RAB3D: variants seen among roughly 807,000 people sequenced by gnomAD.
The protein encoded by RAB3D is ras-related protein Rab-3D.
RAB3D carries 17 observed loss-of-function variants against 19.3 expected under a neutral mutation model. That is an observed-to-expected ratio of 0.88 (90% CI 0.60 to 1.32). The LOEUF is 1.32. RAB3D is among the 40% of genes most tolerant of loss of function. The pLI is 0.00. For synonymous variants in RAB3D, 103 were observed against 119.9 expected, an observed-to-expected ratio of 0.86 and a Z score of 0.92; for missense variants, 223 against 299.1, an observed-to-expected ratio of 0.75 and a Z score of 1.88.
intron 4 of RAB3D, among the ~76,000 whole-genome samples, 160 bp downstream of exon 4, chr19:11,335,287 T>C (rs1329363843): frequency 6.6e-6 from 1 of 152,192 alleles, no homozygotes; most frequent in African/African-American, 2.4e-5. Context: ...TTCCTGCGCG[T>C]GGATCCCCTG....
rs2080794100 is a variant in RAB3D, at chr19:11,323,597, AC to A, written c.*1800del. On this transcript the variant is annotated 3_prime_UTR_variant, in exon 5 of 5. Coordinates refer to ENST00000222120, the MANE Select transcript of RAB3D (RefSeq NM_004283.4). ...TAGAGCGAGACTCTGTATCAAAAAA[AC>A]AAATGAAAAAAAGATACCCCACTCC... The A allele has an allele frequency of 6.6e-6, 1 of 152,204 alleles. No individual in the cohort carries two copies. The highest frequency in any genetic ancestry group is 2.1e-4 in the South Asian group (1 of 4,834). The allele number at this position is 152,204 out of a possible 1,614,324, so 9.4% of individuals were successfully genotyped here. A position where few individuals can be genotyped will look rare whatever the true frequency, so the allele number is the denominator to read the frequency against.
intron 1 of RAB3D, 121 bp from the exon 2 acceptor site, chr19:11,337,581 T>G: frequency 1.8e-6 from 1 of 568,882 alleles, no homozygotes; most frequent in Non-Finnish European, 3.2e-6. Context: ...CCTCTAGACC[T>G]CAGTGTCCTC....
chr19:11,335,883 G>A lies in RAB3D; in HGVS notation c.229-100C>T, dbSNP rs184651962. 20 of 1,100,008 alleles carry A rather than the reference G, an allele frequency of 1.8e-5. No individual in the cohort carries two copies. The Admixed American group carries it at 2.7e-4, about 15-fold the overall frequency. 68.1% of individuals were successfully genotyped at this position (1,100,008 alleles called of 1,614,324 possible). On this transcript the variant is annotated intron_variant, in intron 2 of 4. Transcript: ENST00000222120. ...CCTGTACTCATAGCCCCAGCCTTAC[G>A]GGGGAGACACAGACTTGCTTGTACA...
At chr19:11,330,623 C>T (rs2080832283) in intron 4 of RAB3D, among the ~76,000 whole-genome samples, 1 of 152,284 alleles carries the variant, frequency 6.6e-6, no homozygotes, top group East Asian at 1.9e-4. Flanking sequence ...GATCTCGGCT[C>T]ACTGCAACCT....
intron 3 of RAB3D, 26 bp from the exon 4 acceptor site, chr19:11,335,597 T>C (rs2080849785): frequency 1.2e-6 from 2 of 1,613,804 alleles, no homozygotes; most frequent in Admixed American, 1.7e-5. Context: ...TGGTGAGCCA[T>C]GAGCCGGGGG....
chr19:11,331,273 C>T (rs546794381), intron 4 of RAB3D, among the ~76,000 whole-genome samples: 6 of 151,580 alleles, frequency 4.0e-5, no homozygotes, highest in African/African-American at 1.2e-4. Context: ...CCAGCCTGGG[C>T]GACAAGAGCA....
At position 11,335,846 on chromosome 19, in the gene RAB3D, G is replaced by C. The variant is rs139475893; in HGVS notation, c.229-63C>G. The C allele has an allele frequency of 4.4e-5, 62 of 1,418,400 alleles. No individual in the cohort carries two copies. The African/African-American group carries it at 8.3e-4, about 19-fold the overall frequency. The allele number at this position is 1,418,400 out of a possible 1,614,324, so 87.9% of individuals were successfully genotyped here. On this transcript the variant is annotated intron_variant, in intron 2 of 4. Transcript: ENST00000222120. ...TGTTTCCCAGTCCACCCCTGTCTTA[G>C]AGGGGCACTGCCCTGTACTCATAGC...
intron 4 of RAB3D, among the ~76,000 whole-genome samples, chr19:11,333,693 CTTTT>C (rs112998115): frequency 2.1e-5 from 3 of 143,462 alleles, no homozygotes; most frequent in African/African-American, 7.6e-5. Flanking sequence ...TCTTTCTTTC[CTTTT>C]TTTTTTTTTC....
intron 2 of RAB3D, among the ~76,000 whole-genome samples, chr19:11,336,309 C>A (rs1005398514): frequency 6.6e-6 from 1 of 151,960 alleles, no homozygotes; most frequent in Non-Finnish European, 1.5e-5. Flanking sequence ...TTTCTTTTTT[C>A]TTTCTTTCTT....
At chr19:11,337,846 A>AT (rs954880691) in intron 1 of RAB3D, among the ~76,000 whole-genome samples, 3 of 151,566 alleles carry the variant, frequency 2.0e-5, no homozygotes, top group African/African-American at 7.3e-5. Flanking sequence ...TTTAAAAAAA[A>AT]TTTTTTTGTA....
At chr19:11,329,044 A>G (rs570145483) in intron 4 of RAB3D, among the ~76,000 whole-genome samples, 48 of 151,278 alleles carry the variant, frequency 3.2e-4, no homozygotes, top group African/African-American at 1.1e-3. Context: ...CAGTCTCCCA[A>G]GTAGCTGGGA....
At chr19:11,326,806 C>T (rs1169263882) in intron 4 of RAB3D, 8 of 689,232 alleles carry the variant, frequency 1.2e-5, no homozygotes, top group African/African-American at 3.5e-5. Flanking sequence ...GTGGGGGTCT[C>T]GCTATGTTGC....
chr19:11,326,796 G>A (rs1470234466), intron 4 of RAB3D: 2 of 691,384 alleles, frequency 2.9e-6, no homozygotes, highest in East Asian at 5.4e-5. Flanking sequence ...TTTTGTAGAG[G>A]TGGGGGTCTC....
chr19:11,337,494 G>T, intron 1 of RAB3D, 34 bp from the exon 2 acceptor site: 1 of 965,294 alleles, frequency 1.0e-6, no homozygotes, highest in Non-Finnish European at 1.6e-6. Flanking sequence ...AACAGCTCCT[G>T]TGAATGCACC....
intron 4 of RAB3D, among the ~76,000 whole-genome samples, chr19:11,333,024 T>C (rs1413180786): frequency 1.3e-5 from 2 of 151,406 alleles, no homozygotes; most frequent in East Asian, 3.9e-4. Context: ...CGAAATGGAA[T>C]AGTACACAGC....
At position 11,335,780 on chromosome 19, in the gene RAB3D, T is replaced by C. The variant is rs772212943; in HGVS notation, c.232A>G (p.Thr78Ala). 3.1e-6 allele frequency: 5 copies of C among 1,614,048 alleles called. No individual in the cohort carries two copies. The highest frequency in any genetic ancestry group is 2.2e-5 in the East Asian group (1 of 44,882). Residue 78 changes from threonine (T) to alanine (A), a missense_variant, in exon 3 of 5, where the codon ACA becomes GCA. Transcript: ENST00000222120. ...GTGCGGTAGCGCTCCTGGCCCGCTGTGTCCTGGACAAATGGCAGTGGCAGT... is the reference window on the plus strand; with the variant it reads ...GTGCGGTAGCGCTCCTGGCCCGCTGCGTCCTGGACAAATGGCAGTGGCAGT... ...DKRIKLQIWDTAGQERYRTIT... is the reference protein window; with the variant it reads ...DKRIKLQIWDAAGQERYRTIT...
At chr19:11,335,425 G>C in intron 4 of RAB3D, 22 bp downstream of exon 4, 2 of 1,613,396 alleles carry the variant, frequency 1.2e-6, no homozygotes, top group South Asian at 2.2e-5. Flanking sequence ...ACCAGGGCCT[G>C]TGGCCCAGGC....
At chr19:11,335,609 G>T (rs560794281) in intron 3 of RAB3D, 38 bp from the exon 4 acceptor site, 3 of 1,613,800 alleles carry the variant, frequency 1.9e-6, no homozygotes, top group Admixed American at 1.7e-5. Context: ...AGCCGGGGGG[G>T]TTAGGGGTCA....
intron 4 of RAB3D, 70 bp downstream of exon 4, chr19:11,335,377 T>G: frequency 6.3e-7 from 1 of 1,590,388 alleles, no homozygotes; most frequent in African/African-American, 1.3e-5. Context: ...GGTTGGACCC[T>G]GAATCAGAGG....
Sources: allele counts gnomAD v4.1 joint callset (sites outside exome capture counted in the v4.1 genomes callset), GRCh38; gene constraint gnomAD v4.1.1; transcripts MANE v1.5; gene names NCBI Gene and HGNC (gene_info 2026-07-23, HGNC 2026-07-21).